COL9A2: variants seen among roughly 807,000 people sequenced by gnomAD.
The protein encoded by COL9A2 is collagen alpha-2(IX) chain.
In COL9A2, 66 loss-of-function variants were observed where a neutral mutation model predicts 111.6. The ratio of observed to expected loss-of-function variants is 0.59; its 90% confidence interval spans 0.48 to 0.73. COL9A2 has a LOEUF of 0.73. COL9A2 is among the 30% of genes least tolerant of loss of function. The pLI is 0.00. For missense variants in COL9A2, 881 were observed against 954.1 expected (o/e 0.92, Z 1.01); for synonymous variants, 353 against 364.1 (o/e 0.97, Z 0.35).
At position 40,300,916 on chromosome 1, in the gene COL9A2, G is replaced by A. The variant is rs1408952204; in HGVS notation, c.*266C>T. The A allele has an allele frequency of 8.9e-5, 42 of 473,820 alleles. No homozygotes were observed. The East Asian group carries it at 1.3e-3, about 14-fold the overall frequency. The allele number at this position is 473,820 out of a possible 1,614,324, so 29.4% of individuals were successfully genotyped here. On this transcript the variant is annotated 3_prime_UTR_variant, in exon 32 of 32. Transcript: ENST00000372748. This position sits in a 1 kb window ranked among gnomAD's most constrained non-coding sequence, Gnocchi z 4.4. ...TTTTGGTAACAGCCGAATGATGCTC[G>A]CTGGAAGGAAAGCCGCCCTATTCCT...
Position 40,311,510 on chromosome 1 carries a change from G to A in COL9A2, c.509C>T (p.Ala170Val), listed in dbSNP as rs146672981. 11 of 1,481,372 alleles carry A rather than the reference G, an allele frequency of 7.4e-6. No homozygotes were observed. In the African/African-American group the frequency reaches 1.3e-4, roughly 18 times the overall value. 91.8% of individuals were successfully genotyped at this position (1,481,372 alleles called of 1,614,324 possible). The part of the protein sequence containing the change: ...PGTIQGLEGS[A>V]DFLCPTNCPP... The stretch of plus-strand genomic sequence containing the variant: ...GACCTCGTCTCTCACCAGGAAATCC[G>A]CACTGCCTTCCAGACCCTGGATGGT... Residue 170 changes from alanine (A) to valine (V), a missense_variant, in exon 10 of 32, where the codon GCG becomes GTG. Ala to Val is a moderately conservative substitution (Grantham distance 64, BLOSUM62 0). Transcript: ENST00000372748. The surrounding 1 kb of genome is among the most constrained non-coding windows in gnomAD (Gnocchi z 5.1).
At position 40,304,073 on chromosome 1, in the gene COL9A2, G is replaced by T; in HGVS notation, c.1314C>A (p.Arg438=). Residue 438 remains arginine, a synonymous_variant, in exon 25 of 32, where the codon CGC becomes CGA. Coordinates refer to ENST00000372748, the MANE Select transcript of COL9A2 (RefSeq NM_001852.4). ...GGGTGCTGGAACTCACCACTTTGCC[G>T]CGGGGCCCGGTCTTCCCTGGGGAGC... ...DKGSPGKTGP[R]GKVGDPGVAG... 1 of 1,575,602 alleles carries T rather than the reference G, an allele frequency of 6.3e-7. No homozygotes were observed.
Position 40,303,053 on chromosome 1 carries a change from C to A in COL9A2, c.1603+78G>T. 1 of 1,450,414 alleles carries A rather than the reference C, an allele frequency of 6.9e-7. No individual in the cohort carries two copies. The highest frequency in any genetic ancestry group is 2.4e-5 in the East Asian group (1 of 41,528). The allele number at this position is 1,450,414 out of a possible 1,614,324, so 89.8% of individuals were successfully genotyped here. A position where few individuals can be genotyped will look rare whatever the true frequency, so the allele number is the denominator to read the frequency against. On this transcript the variant is annotated intron_variant, in intron 29 of 31. Coordinates refer to ENST00000372748, the MANE Select transcript of COL9A2 (RefSeq NM_001852.4). This position sits in a 1 kb window ranked among gnomAD's most constrained non-coding sequence, Gnocchi z 4.6. ...GACTCCAGATTTTCAGACAAGTGAA[C>A]ACGTGGAGGCTCCGGGAGGGGGTGA... is the stretch of plus-strand genomic sequence containing the variant.
intron 21 of COL9A2, 27 bp downstream of exon 21, chr1:40,305,688 C>A: frequency 6.2e-7 from 1 of 1,612,210 alleles, no homozygotes; most frequent in Non-Finnish European, 8.5e-7. Flanking sequence ...AAGCAGGAAC[C>A]CTTGTGTCAG....
At chr1:40,308,413 C>T (rs1203730542) in intron 16 of COL9A2, among the ~76,000 whole-genome samples, 168 bp from the exon 17 acceptor site, 1 of 152,158 alleles carries the variant, frequency 6.6e-6, no homozygotes, top group Non-Finnish European at 1.5e-5. Context: ...CCCTTCCTGC[C>T]CTGGCACCAG....
rs578013765 is a variant in COL9A2 at position 40,302,698 on chromosome 1, G to T, written c.1715C>A (p.Pro572His). The change falls in exon 30 of 32, where the codon CCC becomes CAC. Residue 572 changes from proline (P) to histidine (H), a missense_variant. Transcript: ENST00000372748. This position sits in a 1 kb window ranked among gnomAD's most constrained non-coding sequence, Gnocchi z 4.5. ...GPPGYPGKQGPHGHPGPRGVP... is the reference protein window; with the variant it reads ...GPPGYPGKQGHHGHPGPRGVP... ...GCCCCGAGGGCCAGGGTGCCCATGG[G>T]GGCCCTGCTTGCCTGGGTACCCAGG... is the stretch of plus-strand genomic sequence containing the variant. 1.3e-6 allele frequency: 2 copies of T among 1,590,844 alleles called. No homozygotes were observed. The highest frequency in any genetic ancestry group is 1.3e-5 in the African/African-American group (1 of 74,368).
Position 40,312,232 on chromosome 1 carries a change from AC to A in COL9A2, c.364-121del. 2.0e-6 allele frequency: 2 copies of A among 1,023,122 alleles called. No individual in the cohort carries two copies. Among genetic ancestry groups the A allele is most frequent in the Non-Finnish European group, 2.9e-6 (2 of 682,332 alleles). 63.4% of individuals were successfully genotyped at this position (1,023,122 alleles called of 1,614,324 possible). A position where few individuals can be genotyped will look rare whatever the true frequency, so the allele number is the denominator to read the frequency against. On this transcript the variant is annotated intron_variant, in intron 7 of 31. Transcript: ENST00000372748. This position sits in a 1 kb window ranked among gnomAD's most constrained non-coding sequence, Gnocchi z 6.0. Reference sequence around the variant, plus strand: ...TTTTACTTTTTTTTTTTTTTTGCCAACCCCAGAGAGACTGACAGACTGAGGC... The same window carrying A: ...TTTTACTTTTTTTTTTTTTTTGCCAACCCAGAGAGACTGACAGACTGAGGC...
At chr1:40,309,416 A>G (rs1040350208) in intron 16 of COL9A2, among the ~76,000 whole-genome samples, 1 of 151,168 alleles carries the variant, frequency 6.6e-6, no homozygotes, top group African/African-American at 2.4e-5. Flanking sequence ...CGCTTCCCCC[A>G]ACAGGTCTAT....
chr1:40,301,491 G>C (rs1368112015), intron 31 of COL9A2, 110 bp from the exon 32 acceptor site: 31 of 899,998 alleles, frequency 3.4e-5, no homozygotes, highest in Non-Finnish European at 1.5e-5. Flanking sequence ...AACACCATAG[G>C]AGAAAGGACT....
intron 2 of COL9A2, 127 bp downstream of exon 2, chr1:40,315,463 C>T: frequency 4.8e-6 from 7 of 1,461,892 alleles, no homozygotes; most frequent in Non-Finnish European, 6.4e-6. Flanking sequence ...GGGCCGGCGC[C>T]GCCTATTGGC....
Position 40,307,904 on chromosome 1 carries a change from G to T in COL9A2, c.901-148C>A. 1 of 854,862 alleles carries T rather than the reference G, an allele frequency of 1.2e-6. No individual in the cohort carries two copies. The highest frequency in any genetic ancestry group is 2.1e-5 in the Admixed American group (1 of 48,254). 53.0% of individuals were successfully genotyped at this position (854,862 alleles called of 1,614,324 possible). The stretch of plus-strand genomic sequence containing the variant: ...GAAGCCCCACTGGCCAACTGGGGGA[G>T]GGGAGTTGAAGTGGGAAGGGGATGA... On this transcript the variant is annotated intron_variant, in intron 17 of 31. Transcript: ENST00000372748. This position sits in a 1 kb window ranked among gnomAD's most constrained non-coding sequence, Gnocchi z 4.8.
chr1:40,305,629 A>T, intron 21 of COL9A2, 86 bp downstream of exon 21: 1 of 1,252,128 alleles, frequency 8.0e-7, no homozygotes, highest in South Asian at 1.2e-5. Context: ...GAGCCAGACT[A>T]ACTCGGAGCT....
chr1:40,303,549 G>A lies in COL9A2; in HGVS notation c.1529C>T (p.Pro510Leu). The A allele has an allele frequency of 6.2e-7, 1 of 1,611,578 alleles. No homozygotes were observed. Among genetic ancestry groups the A allele is most frequent in the Non-Finnish European group, 8.5e-7 (1 of 1,179,506 alleles). The stretch of plus-strand genomic sequence containing the variant: ...ACTCACCTCCACGCCCTGTCTCCCG[G>A]GCTGTCCTGGCACGCCTCGGTTCCC... ...LAGNRGVPGQ[P>L]GRQGVEGRDA... is the part of the protein sequence containing the mutation. Residue 510 changes from proline to leucine, a missense_variant, in exon 28 of 32, where the codon CCC (proline) becomes CTC (leucine). By Grantham distance (98) the Pro-to-Leu change is moderately conservative. Coordinates refer to ENST00000372748, the MANE Select transcript of COL9A2 (RefSeq NM_001852.4). The surrounding 1 kb of genome is among the most constrained non-coding windows in gnomAD (Gnocchi z 4.6).
rs1165383427 is a variant in COL9A2, at chr1:40,311,157, GGA to G, written c.577-13_577-12del. The G allele has an allele frequency of 6.2e-7, 1 of 1,614,228 alleles. No homozygotes were observed. Among genetic ancestry groups the G allele is most frequent in the South Asian group, 1.1e-5 (1 of 91,088 alleles). ...TTTGCCCGCATGCCCCTGAAGGGAA[GGA>G]GAGAGCTCAATACGAGGTCCCCTCC... is the stretch of plus-strand genomic sequence containing the variant. On this transcript the variant is annotated splice_polypyrimidine_tract_variant and intron_variant, in intron 11 of 31. Transcript: ENST00000372748. The surrounding 1 kb of genome is among the most constrained non-coding windows in gnomAD (Gnocchi z 5.1).
intron 16 of COL9A2, among the ~76,000 whole-genome samples, chr1:40,309,103 T>G (rs1314646560): frequency 6.6e-6 from 1 of 152,084 alleles, no homozygotes; most frequent in Non-Finnish European, 1.5e-5. Flanking sequence ...TAGCTGAGCA[T>G]GGTGGCGCAT....
chr1:40,306,509 C>T (rs1440725338), intron 19 of COL9A2, among the ~76,000 whole-genome samples: 1 of 152,200 alleles, frequency 6.6e-6, no homozygotes, highest in South Asian at 2.1e-4. Flanking sequence ...CCACTCAGTA[C>T]CCCCACAGGG....
rs138900461 is a variant in COL9A2 at position 40,313,365 on chromosome 1, C to T, written c.250-581G>A. Among the ~76,000 whole-genome samples the T allele has an allele frequency of 5.1e-3, 783 of 152,174 alleles. 11 individuals carry two copies. The highest frequency in any genetic ancestry group is 0.017 in the African/African-American group (709 of 41,522). ...TGTATTTTTAGTAGAGATGGGGTTT[C>T]GCCATGTTGGCCAGGCTGGTCTTGA... On this transcript the variant is annotated intron_variant, in intron 4 of 31. Transcript: ENST00000372748.
rs1179993000 is a variant in COL9A2 at position 40,304,282 on chromosome 1, G to A, written c.1287+38C>T. ...GCCGACCCCACTCCCCCTGTTATAG[G>A]GCCCCTTTCCCAGGTGTTTCCCAGC... On this transcript the variant is annotated intron_variant, in intron 24 of 31. Transcript: ENST00000372748. 3.9e-6 allele frequency: 6 copies of A among 1,549,918 alleles called. No individual in the cohort carries two copies. In the East Asian group the frequency reaches 1.5e-4, roughly 38 times the overall value.
Position 40,310,455 on chromosome 1 carries a change from G to C in COL9A2, c.685-138C>G. On this transcript the variant is annotated intron_variant, in intron 13 of 31. Coordinates refer to ENST00000372748, the MANE Select transcript of COL9A2 (RefSeq NM_001852.4). The surrounding 1 kb of genome is among the most constrained non-coding windows in gnomAD (Gnocchi z 4.9). ...TCTGTCTCATGGATGGGACATGGAG[G>C]TTCAGAGATGAGGAGGGACTCACTG... 3 of 931,486 alleles carry C rather than the reference G, an allele frequency of 3.2e-6. No individual in the cohort carries two copies. The East Asian group carries it at 7.6e-5, about 24-fold the overall frequency. The allele number at this position is 931,486 out of a possible 1,614,324, so 57.7% of individuals were successfully genotyped here. A position where few individuals can be genotyped will look rare whatever the true frequency, so the allele number is the denominator to read the frequency against.
Sources: gnomAD v4.1 joint callset for allele counts (sites outside exome capture counted in the v4.1 genomes callset) on GRCh38, gnomAD v4.1.1 for gene constraint, Gnocchi (gnomAD v3.1) non-coding constraint, MANE v1.5 for transcripts, NCBI Gene and HGNC (gene_info 2026-07-23, HGNC 2026-07-21) for gene names.